ADPGK: variants seen among roughly 807,000 people sequenced by gnomAD.
ADPGK encodes ADP dependent glucokinase.
A neutral mutation model predicts 42.4 loss-of-function variants in ADPGK; 26 were observed. That is an observed-to-expected ratio of 0.61 (90% CI 0.45 to 0.85). ADPGK has a LOEUF of 0.85. Among genes scored for constraint, ADPGK ranks in the 40% least tolerant of loss-of-function variants. The pLI is 0.00. For missense variants in ADPGK, 571 were observed against 627.0 expected (o/e 0.91, Z 0.95); for synonymous variants, 267 against 252.6 (o/e 1.06, Z -0.54).
At chr15:72,756,473 G>C in intron 4 of ADPGK, 26 bp from the exon 5 acceptor site, 1 of 1,612,532 alleles carries the variant, frequency 6.2e-7, no homozygotes, top group East Asian at 2.2e-5. Context: ...CAACACAATG[G>C]GAAGAAAAGG....
chr15:72,762,799 T>C (rs951065387), intron 3 of ADPGK, among the ~76,000 whole-genome samples: 12 of 152,038 alleles, frequency 7.9e-5, no homozygotes, highest in Non-Finnish European at 1.0e-4. Context: ...CTGGCCAACA[T>C]GGTGAAACCC....
intron 4 of ADPGK, among the ~76,000 whole-genome samples, chr15:72,758,937 A>ATTTTTATTATTTCT: frequency 6.6e-6 from 1 of 152,118 alleles, no homozygotes; most frequent in South Asian, 2.1e-4. Context: ...TCTTTTATTT[A>ATTTTTATTATTTCT]TTTATTATTA....
At position 72,752,529 on chromosome 15, in the gene ADPGK, A is replaced by G; in HGVS notation, c.1306T>C (p.Ser436Pro). ...SLRAPQEFMT[S>P]HSEAGSRIVL... ...ATCCTGGAGCCTGCCTCCGAATGGGAAGTCATGAACTCTTGGGGTGCCCTC... is the reference window on the plus strand; with the variant it reads ...ATCCTGGAGCCTGCCTCCGAATGGGGAGTCATGAACTCTTGGGGTGCCCTC... The change falls in exon 7 of 7, where the codon TCC (serine) becomes CCC (proline). Residue 436 changes from serine (S) to proline (P), a missense_variant. Coordinates refer to ENST00000456471, the MANE Select transcript of ADPGK (RefSeq NM_001365225.1). 1 of 1,614,120 alleles carries G rather than the reference A, an allele frequency of 6.2e-7. No homozygotes were observed. Among genetic ancestry groups the G allele is most frequent in the Admixed American group, 1.7e-5 (1 of 60,016 alleles).
chr15:72,765,127 C>T (rs1314925851), intron 3 of ADPGK, among the ~76,000 whole-genome samples: 1 of 152,084 alleles, frequency 6.6e-6, no homozygotes, highest in Admixed American at 6.6e-5. Context: ...ATCCATTCTG[C>T]AACCCATAAA....
intron 6 of ADPGK, among the ~76,000 whole-genome samples, chr15:72,755,078 G>A (rs1024794024): frequency 2.6e-5 from 4 of 152,204 alleles, no homozygotes; most frequent in Admixed American, 2.0e-4. Flanking sequence ...AAGCCCGTGA[G>A]TGCAAGGCTG....
At chr15:72,782,700 T>C (rs2066479088) in intron 1 of ADPGK, 1 of 152,126 alleles carries the variant, frequency 6.6e-6, no homozygotes, top group Non-Finnish European at 1.5e-5. Context: ...AGCTACATGG[T>C]AGAGGGCCTG....
rs556189053 is a variant in ADPGK at position 72,752,199 on chromosome 15, T to C, written c.*142A>G. 6.0e-6 allele frequency: 5 copies of C among 834,118 alleles called. No individual in the cohort carries two copies. The African/African-American group carries it at 6.9e-5, about 11-fold the overall frequency. The allele number at this position is 834,118 out of a possible 1,614,324, so 51.7% of individuals were successfully genotyped here. A position where few individuals can be genotyped will look rare whatever the true frequency, so the allele number is the denominator to read the frequency against. On this transcript the variant is annotated 3_prime_UTR_variant, in exon 7 of 7. Transcript: ENST00000456471. ...CGGATTAAAATCTGAAATGTTTTTA[T>C]GGAGTTGCCAACAGGCTGGAATGTA...
chr15:72,772,662 CTGAAG>C (rs956000219), intron 2 of ADPGK, among the ~76,000 whole-genome samples: 1 of 152,124 alleles, frequency 6.6e-6, no homozygotes, highest in African/African-American at 2.4e-5. Flanking sequence ...CTGTCTTCTT[CTGAAG>C]TGTTCAGTAA....
rs1168733104 is a variant in ADPGK at position 72,783,703 on chromosome 15, C to T, written c.-12G>A. 4 of 1,461,784 alleles carry T rather than the reference C, an allele frequency of 2.7e-6. No individual in the cohort carries two copies. Among genetic ancestry groups the T allele is most frequent in the East Asian group, 2.7e-5 (1 of 36,526 alleles). 90.6% of individuals were successfully genotyped at this position (1,461,784 alleles called of 1,614,324 possible). A position where few individuals can be genotyped will look rare whatever the true frequency, so the allele number is the denominator to read the frequency against. ...CGCCACAGCGCCATGGGGACCCAGG[C>T]GCCGCACCTGCGCGAACCAACTCCT... On this transcript the variant is annotated 5_prime_UTR_variant, in exon 1 of 7. Coordinates refer to ENST00000456471, the MANE Select transcript of ADPGK (RefSeq NM_001365225.1).
At chr15:72,761,214 C>T (rs943015907) in intron 3 of ADPGK, among the ~76,000 whole-genome samples, 1 of 152,162 alleles carries the variant, frequency 6.6e-6, no homozygotes, top group Non-Finnish European at 1.5e-5. Context: ...CAAAGCAGAC[C>T]CTACCCCCAC....
At chr15:72,757,842 G>C (rs1469098024) in intron 4 of ADPGK, 2 of 426,724 alleles carry the variant, frequency 4.7e-6, no homozygotes, top group Non-Finnish European at 8.6e-6. Flanking sequence ...CGACCTAACT[G>C]AACCTAGGAG....
intron 1 of ADPGK, among the ~76,000 whole-genome samples, chr15:72,779,205 G>T (rs1051102900): frequency 6.7e-6 from 1 of 149,694 alleles, no homozygotes; most frequent in Non-Finnish European, 1.5e-5. Context: ...AAGGTTCAGG[G>T]TGAAGCCAGT....
At chr15:72,780,439 G>A (rs143832775) in intron 1 of ADPGK, among the ~76,000 whole-genome samples, 9 of 152,266 alleles carry the variant, frequency 5.9e-5, no homozygotes, top group Admixed American at 3.3e-4. Context: ...AGCTTATGGG[G>A]ATTACAATTC....
At chr15:72,780,228 C>T (rs1265442357) in intron 1 of ADPGK, among the ~76,000 whole-genome samples, 1 of 152,172 alleles carries the variant, frequency 6.6e-6, no homozygotes, top group Non-Finnish European at 1.5e-5. Context: ...CCTCAGGAAA[C>T]TTACATTCAT....
chr15:72,771,852 G>A lies in ADPGK; in HGVS notation c.460-7C>T. The A allele has an allele frequency of 6.2e-7, 1 of 1,608,638 alleles. No homozygotes were observed. Among genetic ancestry groups the A allele is most frequent in the Non-Finnish European group, 8.5e-7 (1 of 1,177,272 alleles). On this transcript the variant is annotated splice_polypyrimidine_tract_variant and splice_region_variant and intron_variant, in intron 2 of 6. Transcript: ENST00000456471. ...CATTTCCTCCTACATAGTGCTGTAA[G>A]AGAGTTCAAGGCTTTTAGACAGTAT...
In ADPGK at chr15:72,760,452, A is replaced by G. The variant is rs201029036; in HGVS notation, c.598T>C (p.Leu200=). 276 of 1,610,880 alleles carry G rather than the reference A, an allele frequency of 1.7e-4. 1 individual carries two copies. In the South Asian group the frequency reaches 1.8e-3, roughly 11 times the overall value. Residue 200 remains leucine (L), a synonymous_variant, in exon 4 of 7, where the codon TTG becomes CTG. Transcript: ENST00000456471. ...DDNVFVPPES[L]QEVDEFHLIL... ...AGGTGGAACTCATCCACTTCCTGCA[A>G]TGACTCTGGTGGAACAAAGACATTG...
chr15:72,771,397 T>A (rs2066327422), intron 3 of ADPGK, among the ~76,000 whole-genome samples: 1 of 152,212 alleles, frequency 6.6e-6, no homozygotes, highest in Non-Finnish European at 1.5e-5. Context: ...TTAAATGATA[T>A]GGTGCCTAAG....
rs963229196 is a variant in ADPGK at position 72,751,669 on chromosome 15, C to T, written c.*672G>A. The T allele has an allele frequency of 6.5e-6, 1 of 152,680 alleles. No homozygotes were observed. The highest frequency in any genetic ancestry group is 2.4e-5 in the African/African-American group (1 of 41,456). The allele number at this position is 152,680 out of a possible 1,614,324, so 9.5% of individuals were successfully genotyped here. ...CTGGGCCACGTGAACCTTTCACCAG[C>T]CAGCCTATAACCTATGGAGCCAGGA... is the stretch of plus-strand genomic sequence containing the variant. On this transcript the variant is annotated 3_prime_UTR_variant, in exon 7 of 7. Transcript: ENST00000456471.
In ADPGK at chr15:72,755,659, A is replaced by G. The variant is rs377474557; in HGVS notation, c.841-5T>C. On this transcript the variant is annotated splice_region_variant and splice_polypyrimidine_tract_variant and intron_variant, in intron 5 of 6. Coordinates refer to ENST00000456471, the MANE Select transcript of ADPGK (RefSeq NM_001365225.1). ...GTCAGAAATGGAGGTTACAACCTGC[A>G]AAGAGAAGAAGATAAGCACTGCCAT... The G allele has an allele frequency of 3.1e-6, 5 of 1,602,438 alleles. No homozygotes were observed. In the African/African-American group the frequency reaches 6.7e-5, roughly 21 times the overall value.
Sources: gnomAD v4.1 joint callset for allele counts (sites outside exome capture counted in the v4.1 genomes callset) on GRCh38, gnomAD v4.1.1 for gene constraint, MANE v1.5 for transcripts, NCBI Gene and HGNC (gene_info 2026-07-23, HGNC 2026-07-21) for gene names.